MGAT5: variants seen among roughly 807,000 people sequenced by gnomAD.
MGAT5 encodes alpha-1,6-mannosylglycoprotein 6-beta-N-acetylglucosaminyltransferase A.
Under a neutral mutation model 94.3 loss-of-function variants are expected in MGAT5, and 30 were observed. The ratio of observed to expected loss-of-function variants is 0.32; its 90% confidence interval spans 0.24 to 0.43. The LOEUF (loss-of-function observed/expected upper bound fraction) is 0.43. Among genes scored for constraint, MGAT5 ranks in the 20% least tolerant of loss-of-function variants. The probability of loss-of-function intolerance (pLI) is 1.00; values close to 1 mark genes in which losing one functional copy is unlikely to be tolerated. For missense variants in MGAT5, 691 were observed against 905.5 expected (o/e 0.76, Z 3.04); for synonymous variants, 310 against 322.9 (o/e 0.96, Z 0.43).
intron 4 of MGAT5, among the ~76,000 whole-genome samples, chr2:134,331,768 G>A (rs779315336): frequency 4.7e-4 from 71 of 151,604 alleles, no homozygotes; most frequent in Admixed American, 1.1e-3. Flanking sequence ...CTAGGGCTCT[G>A]AGAGCCAAGA....
At chr2:134,166,458 C>G (rs2086264722) in intron 1 of MGAT5, among the ~76,000 whole-genome samples, 1 of 152,198 alleles carries the variant, frequency 6.6e-6, no homozygotes, top group Admixed American at 6.5e-5. Context: ...CTTTCTGGAG[C>G]CAATTCCATT....
At chr2:134,220,187 T>C (rs2105348718) in intron 1 of MGAT5, among the ~76,000 whole-genome samples, 1 of 152,298 alleles carries the variant, frequency 6.6e-6, no homozygotes, top group East Asian at 1.9e-4. Context: ...TAGTGTTGCA[T>C]AGCTGTATGC....
intron 1 of MGAT5, among the ~76,000 whole-genome samples, chr2:134,131,601 T>TA (rs1289705988): frequency 1.1e-5 from 1 of 93,122 alleles, no homozygotes; most frequent in South Asian, 3.3e-4. Context: ...TTTTTTTTTT[T>TA]ACTATTGGCC....
chr2:134,144,023 GGGA>G (rs1686789625), intron 1 of MGAT5, among the ~76,000 whole-genome samples: 1 of 152,118 alleles, frequency 6.6e-6, no homozygotes, highest in Non-Finnish European at 1.5e-5. Flanking sequence ...GGGATGCTCA[GGGA>G]GGAAGAGCAG....
chr2:134,124,526 A>G (rs1454542376), intron 1 of MGAT5, among the ~76,000 whole-genome samples: 39 of 152,194 alleles, frequency 2.6e-4, no homozygotes, highest in Admixed American at 2.6e-3. Flanking sequence ...GTTATAAGCT[A>G]CTGTGGCTTG....
At chr2:134,310,725 T>C (rs887861807) in intron 2 of MGAT5, among the ~76,000 whole-genome samples, 5 of 152,186 alleles carry the variant, frequency 3.3e-5, no homozygotes, top group Middle Eastern at 3.2e-3. Flanking sequence ...GGTGCAAAAG[T>C]AAAGCATTCC....
chr2:134,290,223 A>T (rs781513230), intron 2 of MGAT5, among the ~76,000 whole-genome samples: 1 of 152,112 alleles, frequency 6.6e-6, no homozygotes, highest in South Asian at 2.1e-4. Flanking sequence ...GCTTCTACCA[A>T]CTTGATCTTG....
At chr2:134,182,824 T>C (rs1661735565) in intron 1 of MGAT5, among the ~76,000 whole-genome samples, 1 of 147,852 alleles carries the variant, frequency 6.8e-6, no homozygotes, top group Admixed American at 6.8e-5. Context: ...TCTCCCTTTG[T>C]CGCCCAGGCT....
At chr2:134,432,848 T>C (rs1195757065) in intron 14 of MGAT5, among the ~76,000 whole-genome samples, 2 of 152,236 alleles carry the variant, frequency 1.3e-5, no homozygotes, top group Admixed American at 1.3e-4. Context: ...GCCTGGCCCA[T>C]GTGGGTGCTC....
At chr2:134,321,158 T>C (rs184516783) in intron 4 of MGAT5, among the ~76,000 whole-genome samples, 30 of 152,284 alleles carry the variant, frequency 2.0e-4, no homozygotes, top group Admixed American at 5.9e-4. Flanking sequence ...CCTGGGGCCA[T>C]GCGTGAACCT....
chr2:134,179,965 G>A (rs1688658428), intron 1 of MGAT5, among the ~76,000 whole-genome samples: 2 of 152,138 alleles, frequency 1.3e-5, no homozygotes, highest in South Asian at 4.2e-4. Context: ...CATCCTCACT[G>A]CTCACTACAG....
At chr2:134,361,196 CTGTT>C (rs1285933912) in intron 9 of MGAT5, among the ~76,000 whole-genome samples, 2 of 152,324 alleles carry the variant, frequency 1.3e-5, no homozygotes, top group African/African-American at 4.8e-5. Flanking sequence ...CCAGCTTCCT[CTGTT>C]TGTTGACCAC....
At chr2:134,314,044 G>A (rs1297990983) in intron 2 of MGAT5, among the ~76,000 whole-genome samples, 1 of 152,184 alleles carries the variant, frequency 6.6e-6, no homozygotes, top group Admixed American at 6.5e-5. Context: ...GAAACAAAAT[G>A]AGGAGCCATC....
intron 2 of MGAT5, among the ~76,000 whole-genome samples, chr2:134,305,429 T>C (rs956177319): frequency 6.6e-6 from 1 of 152,198 alleles, no homozygotes; most frequent in Non-Finnish European, 1.5e-5. Context: ...CACACCTATT[T>C]TGGGCAATTT....
chr2:134,345,325 G>A (rs971981317), intron 8 of MGAT5, among the ~76,000 whole-genome samples: 15 of 152,154 alleles, frequency 9.9e-5, no homozygotes, highest in East Asian at 7.7e-4. Flanking sequence ...CTCAGTATGC[G>A]TATGCCAGTG....
intron 10 of MGAT5, among the ~76,000 whole-genome samples, chr2:134,401,792 CATGAA>C (rs1245505401): frequency 6.6e-6 from 1 of 152,172 alleles, no homozygotes; most frequent in Admixed American, 6.5e-5. Flanking sequence ...CATCCTGGTT[CATGAA>C]ATGAAGAATG....
chr2:134,165,185 G>A (rs1263667196), intron 1 of MGAT5, among the ~76,000 whole-genome samples: 5 of 152,286 alleles, frequency 3.3e-5, no homozygotes, highest in South Asian at 2.1e-4. Context: ...ATAACCACAC[G>A]TCATAAGTGG....
At chr2:134,259,694 T>C (rs775332247) in intron 1 of MGAT5, among the ~76,000 whole-genome samples, 3 of 152,196 alleles carry the variant, frequency 2.0e-5, no homozygotes, top group Non-Finnish European at 4.4e-5. Context: ...CCTGGTTCCC[T>C]GAGCTTTTTA....
chr2:134,375,599 T>C (rs1407567760), intron 10 of MGAT5, among the ~76,000 whole-genome samples: 1 of 152,248 alleles, frequency 6.6e-6, no homozygotes, highest in Non-Finnish European at 1.5e-5. Context: ...AGGAACTTAC[T>C]TGCGTATCAG....
Sources: gnomAD v4.1 joint callset for allele counts (sites outside exome capture counted in the v4.1 genomes callset) on GRCh38, gnomAD v4.1.1 for gene constraint, MANE v1.5 for transcripts, NCBI Gene and HGNC (gene_info 2026-07-23, HGNC 2026-07-21) for gene names.